Variants in RICTOR observed in about 807,000 individuals in gnomAD.
RICTOR encodes RPTOR independent companion of MTOR complex 2.
RICTOR carries 49 observed loss-of-function variants against 214.9 expected under a neutral mutation model. That is an observed-to-expected ratio of 0.23 (90% CI 0.18 to 0.29). The LOEUF is 0.29. RICTOR is among the 10% of genes least tolerant of loss of function. The probability of loss-of-function intolerance (pLI) is 1.00; values close to 1 mark genes in which losing one functional copy is unlikely to be tolerated. For synonymous variants in RICTOR, 717 were observed against 711.3 expected, an observed-to-expected ratio of 1.01 and a Z score of -0.13; for missense variants, 1,625 against 2,047.0, an observed-to-expected ratio of 0.79 and a Z score of 3.98.
At chr5:39,034,177 T>C (rs147411498) in intron 2 of RICTOR, among the ~76,000 whole-genome samples, 73 of 152,382 alleles carry the variant, frequency 4.8e-4, no homozygotes, top group African/African-American at 1.7e-3. Context: ...AAAAGCCATG[T>C]CTTTAATTGG....
chr5:39,052,314 T>C (rs1343806874), intron 2 of RICTOR, among the ~76,000 whole-genome samples: 1 of 152,176 alleles, frequency 6.6e-6, no homozygotes, highest in East Asian at 1.9e-4. Context: ...AGTTTGAGGT[T>C]ACAGTGAACT....
rs189640627 is a variant in RICTOR, at chr5:39,004,756, C to T, written c.196-1134G>A. ...TGCTGGGATTACAGGCGTGAGCCAC[C>T]GCACTGGGCCTCTCAGACTCTTTTT... On this transcript the variant is annotated intron_variant, in intron 3 of 37. Coordinates refer to ENST00000357387, the MANE Select transcript of RICTOR (RefSeq NM_152756.5). 1.7e-3 allele frequency among the ~76,000 whole-genome samples: 263 copies of T among 150,730 alleles called. 2 individuals carry two copies. The highest frequency in any genetic ancestry group is 4.8e-3 in the African/African-American group (197 of 41,040).
intron 2 of RICTOR, among the ~76,000 whole-genome samples, chr5:39,054,164 C>T (rs1283479307): frequency 6.6e-6 from 1 of 151,754 alleles, no homozygotes; most frequent in Non-Finnish European, 1.5e-5. Context: ...AACAGATTGC[C>T]GGGATCACAT....
At position 38,958,477 on chromosome 5, in the gene RICTOR, G is replaced by A. The variant is rs770951092; in HGVS notation, c.2386C>T (p.His796Tyr). 9 of 1,611,784 alleles carry A rather than the reference G, an allele frequency of 5.6e-6. No homozygotes were observed. The highest frequency in any genetic ancestry group is 1.1e-5 in the South Asian group (1 of 91,026). ...ALIQMKPALS[H>Y]LGDKGLLLLL... ...AGAAGCAAACCCTTGTCTCCAAGGT[G>A]GGATAACGCTGGTTTCATCTGAATG... The change falls in exon 24 of 38, where the codon CAC becomes TAC. Residue 796 changes from histidine (H) to tyrosine (Y), a missense_variant. Transcript: ENST00000357387.
intron 2 of RICTOR, among the ~76,000 whole-genome samples, chr5:39,057,222 A>G (rs996641010): frequency 2.0e-5 from 3 of 152,206 alleles, no homozygotes; most frequent in Non-Finnish European, 2.9e-5. Flanking sequence ...TAAAGGCCTT[A>G]CAAGCTTTAG....
chr5:38,988,456 T>A (rs1752339822), intron 7 of RICTOR, among the ~76,000 whole-genome samples: 1 of 152,184 alleles, frequency 6.6e-6, no homozygotes, highest in Non-Finnish European at 1.5e-5. Flanking sequence ...ATGCCCTTCT[T>A]TGTCTTTTCT....
chr5:39,003,672 A>G (rs781345706), intron 3 of RICTOR, 50 bp from the exon 4 acceptor site: 3 of 1,076,856 alleles, frequency 2.8e-6, no homozygotes, highest in African/African-American at 3.1e-5. Context: ...ATATTTTCAC[A>G]TATTTATATA....
intron 3 of RICTOR, among the ~76,000 whole-genome samples, chr5:39,019,428 T>A (rs147485201): frequency 1.6e-3 from 244 of 152,282 alleles, no homozygotes; most frequent in Middle Eastern, 6.8e-3. Flanking sequence ...TGACTTTAGA[T>A]TGAACCCAAT....
At chr5:38,963,753 A>G (rs1459037446) in intron 16 of RICTOR, among the ~76,000 whole-genome samples, 1 of 151,860 alleles carries the variant, frequency 6.6e-6, no homozygotes, top group Non-Finnish European at 1.5e-5. Flanking sequence ...TTCCTGATAA[A>G]CCCTGGAATT....
intron 31 of RICTOR, among the ~76,000 whole-genome samples, chr5:38,948,805 C>G (rs537688221): frequency 2.0e-5 from 3 of 152,144 alleles, no homozygotes; most frequent in East Asian, 1.9e-4. Context: ...AATTCATTGT[C>G]TGCTACCAAG....
At chr5:39,031,665 G>A (rs1471927834) in intron 2 of RICTOR, among the ~76,000 whole-genome samples, 1 of 152,116 alleles carries the variant, frequency 6.6e-6, no homozygotes, top group Non-Finnish European at 1.5e-5. Context: ...GAGTAGAGCT[G>A]AACAATGCAT....
At chr5:39,064,493 C>A (rs1353687731) in intron 2 of RICTOR, among the ~76,000 whole-genome samples, 1 of 152,100 alleles carries the variant, frequency 6.6e-6, no homozygotes, top group South Asian at 2.1e-4. Flanking sequence ...ATTTAGCATT[C>A]TTCTACCATT....
At position 38,941,120 on chromosome 5, in the gene RICTOR, C is replaced by A. The variant is rs956485613; in HGVS notation, c.*1184G>T. 4.3e-6 allele frequency: 1 copy of A among 232,618 alleles called. No individual in the cohort carries two copies. The highest frequency in any genetic ancestry group is 8.5e-6 in the Non-Finnish European group (1 of 117,552). The allele number at this position is 232,618 out of a possible 1,614,324, so 14.4% of individuals were successfully genotyped here. On this transcript the variant is annotated 3_prime_UTR_variant, in exon 38 of 38. Coordinates refer to ENST00000357387, the MANE Select transcript of RICTOR (RefSeq NM_152756.5). ...AGTTCCAAATACCTTTAGACATATA[C>A]AAATTAAACAAACAAAAACCTTGCC... is the stretch of plus-strand genomic sequence containing the variant.
intron 2 of RICTOR, among the ~76,000 whole-genome samples, chr5:39,031,804 T>A (rs1429080414): frequency 2.0e-5 from 3 of 152,194 alleles, no homozygotes; most frequent in Admixed American, 2.0e-4. Context: ...TGGAATTATG[T>A]CTTTAATATC....
chr5:38,957,670 T>C lies in RICTOR; in HGVS notation c.2481A>G (p.Gln827=), dbSNP rs1579910350. Reference sequence around the variant, plus strand: ...AAGTTACCCTGTGCCACTTTTCCAATTGTTTTGCTACATAACCTCTTTCAT... The same window carrying C: ...AAGTTACCCTGTGCCACTTTTCCAACTGTTTTGCTACATAACCTCTTTCAT... ...YLNERGYVAK[Q]LEKWHREYNS... The change falls in exon 25 of 38, where the codon CAA becomes CAG. Residue 827 remains glutamine, a synonymous_variant. Transcript: ENST00000357387. The C allele has an allele frequency of 3.2e-6, 5 of 1,577,168 alleles. No individual in the cohort carries two copies. The highest frequency in any genetic ancestry group is 2.3e-5 in the East Asian group (1 of 43,872).
intron 3 of RICTOR, among the ~76,000 whole-genome samples, chr5:39,010,811 T>TG (rs1239624681): frequency 2.0e-5 from 3 of 152,212 alleles, no homozygotes; most frequent in Non-Finnish European, 4.4e-5. Flanking sequence ...GTGACTTGGG[T>TG]GCTCTTTAAA....
chr5:39,066,282 G>A (rs1397055909), intron 2 of RICTOR, among the ~76,000 whole-genome samples: 3 of 152,246 alleles, frequency 2.0e-5, no homozygotes, highest in East Asian at 1.9e-4. Context: ...CTTTGAACAA[G>A]GCTGGAAGCC....
intron 8 of RICTOR, among the ~76,000 whole-genome samples, chr5:38,980,340 G>A (rs1479849593): frequency 1.3e-5 from 2 of 152,088 alleles, no homozygotes; most frequent in Non-Finnish European, 2.9e-5. Context: ...GACTCCAAGT[G>A]ATGTTATCTC....
At chr5:39,039,368 A>G (rs1324538047) in intron 2 of RICTOR, among the ~76,000 whole-genome samples, 3 of 152,200 alleles carry the variant, frequency 2.0e-5, no homozygotes, top group Non-Finnish European at 4.4e-5. Flanking sequence ...AAACCCTAGA[A>G]GAAAACCTAG....
Sources: allele counts gnomAD v4.1 joint callset (sites outside exome capture counted in the v4.1 genomes callset), GRCh38; gene constraint gnomAD v4.1.1; transcripts MANE v1.5; gene names NCBI Gene and HGNC (gene_info 2026-07-23, HGNC 2026-07-21).